RIF1: variants seen among roughly 807,000 people sequenced by gnomAD.
The protein encoded by RIF1 is replication timing regulatory factor 1.
A neutral mutation model predicts 247.1 loss-of-function variants in RIF1; 45 were observed. That is an observed-to-expected ratio of 0.18 (90% confidence interval 0.14 to 0.23). RIF1 has a LOEUF of 0.23. RIF1 is among the 10% of genes least tolerant of loss of function. The pLI, the probability that RIF1 is intolerant of heterozygous loss-of-function variation, is 1.00. For synonymous variants in RIF1, 1,087 were observed against 978.8 expected (o/e 1.11, Z -2.06); for missense variants, 2,967 against 2,862.5 (o/e 1.04, Z -0.83).
intron 21 of RIF1, among the ~76,000 whole-genome samples, chr2:151,452,787 G>A (rs1013344747): frequency 2.0e-5 from 3 of 152,216 alleles, no homozygotes; most frequent in African/African-American, 4.8e-5. Flanking sequence ...TTCATAGAGC[G>A]AAGATGATCA....
rs904410627 is a variant in RIF1, at chr2:151,480,082, T to G, written c.*5011T>G. 3.3e-5 allele frequency: 5 copies of G among 152,242 alleles called. No individual in the cohort carries two copies. The highest frequency in any genetic ancestry group is 4.8e-5 in the African/African-American group (2 of 41,478). The allele number at this position is 152,242 out of a possible 1,614,324, so 9.4% of individuals were successfully genotyped here. A position where few individuals can be genotyped will look rare whatever the true frequency, so the allele number is the denominator to read the frequency against. On this transcript the variant is annotated 3_prime_UTR_variant, in exon 36 of 36. Transcript: ENST00000444746. ...TTCCGATGTGGTCCTAATCATTTTT[T>G]TCTTTACATACTAAGCCTTCCTTTC...
At chr2:151,440,603 A>C (rs1692113450) in intron 15 of RIF1, among the ~76,000 whole-genome samples, 1 of 152,222 alleles carries the variant, frequency 6.6e-6, no homozygotes, top group Non-Finnish European at 1.5e-5. Flanking sequence ...ATCTCAAAAT[A>C]AGCTCCAGTG....
Position 151,477,097 on chromosome 2 carries a change from A to C in RIF1, c.*2026A>C, listed in dbSNP as rs1474828694. ...GTTTAATAAAGCTGCATTTAAAAATATTTGGGAGCAAAGACAAGCATGCTA... is the reference window on the plus strand; with the variant it reads ...GTTTAATAAAGCTGCATTTAAAAATCTTTGGGAGCAAAGACAAGCATGCTA... On this transcript the variant is annotated 3_prime_UTR_variant, in exon 36 of 36. Transcript: ENST00000444746. 2.0e-5 allele frequency: 3 copies of C among 152,224 alleles called. No homozygotes were observed. 9.4% of individuals were successfully genotyped at this position (152,224 alleles called of 1,614,324 possible).
Position 151,465,912 on chromosome 2 carries a change from C to T in RIF1, c.6392C>T (p.Thr2131Ile), listed in dbSNP as rs1696804691. 6.2e-7 allele frequency: 1 copy of T among 1,613,984 alleles called. No individual in the cohort carries two copies. Residue 2131 changes from threonine (T) to isoleucine (I), a missense_variant, in exon 30 of 36, where the codon ACA (threonine) becomes ATA (isoleucine). By Grantham distance (89) the Thr-to-Ile change is moderately conservative. Coordinates refer to ENST00000444746, the MANE Select transcript of RIF1 (RefSeq NM_018151.5). ...CCATCACAGTGTCTGGCATCTGGAA[C>T]AGCTATCTCTGAGCTAATAATAGAA... ...EEPSQCLASG[T>I]AISELIIEDN...
rs114739211 is a variant in RIF1, at chr2:151,427,174, C to A, written c.787-1610C>A. On this transcript the variant is annotated intron_variant, in intron 8 of 35. Transcript: ENST00000444746. ...TTGATGTAATTTTTTATTTGTGATG[C>A]ATTACTTGTCATTTTTCCATTTTGT... Among the ~76,000 whole-genome samples the A allele has an allele frequency of 4.3e-3, 651 of 151,322 alleles. 5 individuals are homozygous for A. The highest frequency in any genetic ancestry group is 0.015 in the African/African-American group (604 of 41,300).
At chr2:151,524,346 C>T in the RIF1 span, 7 of 1,613,924 alleles carry the variant, frequency 4.3e-6, no homozygotes, top group Non-Finnish European at 5.9e-6. Context: ...TTGGCCATTT[C>T]TATGTCTGGG....
exon 13 of RIF1, chr2:151,506,277 G>A: frequency 6.3e-7 from 1 of 1,576,492 alleles, no homozygotes; most frequent in Non-Finnish European, 8.7e-7. Flanking sequence ...TCAGAATCAG[G>A]ACAGTGTTAA....
At chr2:151,518,203 C>T in the RIF1 span, 1 of 775,076 alleles carries the variant, frequency 1.3e-6, no homozygotes, top group African/African-American at 1.7e-5. Context: ...AGATTCAAAA[C>T]CCCTTATATC....
rs2065574455 is a variant in RIF1 at position 151,502,598 on chromosome 2, T to C, written c.*710-436T>C. ...ACAGGTTTTTAAAGAAAGTGATAAA[T>C]ATCTATGTTTTAGAGAAAACACAGT... is the stretch of plus-strand genomic sequence containing the variant. On this transcript the variant is annotated intron_variant and NMD_transcript_variant, in intron 11 of 13. Transcript: ENST00000454583. 2.0e-5 allele frequency among the ~76,000 whole-genome samples: 3 copies of C among 152,090 alleles called. 1 individual carries two copies. The South Asian group carries it at 6.2e-4, about 31-fold the overall frequency.
At chr2:151,468,312 AAG>A (rs1210094341) in intron 31 of RIF1, among the ~76,000 whole-genome samples, 160 bp from the exon 32 acceptor site, 1 of 152,184 alleles carries the variant, frequency 6.6e-6, no homozygotes, top group Non-Finnish European at 1.5e-5. Context: ...GCAGAAAGGT[AAG>A]AGGCAGTAAT....
At chr2:151,485,069 TTGCCACATGC>T (rs1179237426), downstream of RIF1, among the ~76,000 whole-genome samples, 1 of 152,210 alleles carries the variant, frequency 6.6e-6, no homozygotes, top group African/African-American at 2.4e-5. Flanking sequence ...CCCTTTGCCT[TTGCCACATGC>T]TGCCATCCTA....
chr2:151,416,732 TA>T, intron 5 of RIF1, 44 bp downstream of exon 5: 1 of 1,602,382 alleles, frequency 6.2e-7, no homozygotes, highest in Non-Finnish European at 8.5e-7. Flanking sequence ...ATATGCCAAT[TA>T]AAAGAAAAAA....
intron 12 of RIF1, chr2:151,505,473 A>T: frequency 6.2e-7 from 1 of 1,611,420 alleles, no homozygotes; most frequent in South Asian, 1.1e-5. Context: ...GAGTATGGCC[A>T]CTACCGAGCT....
In RIF1 at chr2:151,420,209, A is replaced by G. The variant is rs779508741; in HGVS notation, c.523A>G (p.Ile175Val). 5.7e-5 allele frequency: 92 copies of G among 1,613,656 alleles called. 1 individual carries two copies. Among genetic ancestry groups the G allele is most frequent in the Non-Finnish European group, 7.3e-5 (86 of 1,179,728 alleles). ...TTATAGGCTAATTGAACAAGCCCCAATTCAAATGGGAGAAGAGGCAGTGAG... is the reference window on the plus strand; with the variant it reads ...TTATAGGCTAATTGAACAAGCCCCAGTTCAAATGGGAGAAGAGGCAGTGAG... ...VIVRLIEQAP[I>V]QMGEEAVRWA... The change falls in exon 7 of 36, where the codon ATT becomes GTT. Residue 175 changes from isoleucine (I) to valine (V), a missense_variant. Coordinates refer to ENST00000444746, the MANE Select transcript of RIF1 (RefSeq NM_018151.5).
the RIF1 span, chr2:151,514,468 C>A: frequency 7.0e-7 from 1 of 1,432,238 alleles, no homozygotes; most frequent in Non-Finnish European, 9.8e-7. Flanking sequence ...GACAAGAAAG[C>A]CCAGATTGAT....
At chr2:151,433,289 T>TA in intron 10 of RIF1, 61 bp downstream of exon 10, 1 of 1,348,724 alleles carries the variant, frequency 7.4e-7, no homozygotes, top group South Asian at 1.3e-5. Flanking sequence ...CTTAAATTCT[T>TA]ACCAATGTAA....
At chr2:151,438,600 T>G (rs1691682626) in intron 13 of RIF1, 84 bp from the exon 14 acceptor site, 1 of 839,680 alleles carries the variant, frequency 1.2e-6, no homozygotes, top group Non-Finnish European at 2.1e-6. Flanking sequence ...TTGTTTAATG[T>G]AAGGAAGTAA....
chr2:151,512,706 G>T, downstream of RIF1: 1 of 1,479,582 alleles, frequency 6.8e-7, no homozygotes, highest in Non-Finnish European at 9.4e-7. Flanking sequence ...TGGGGTTTAT[G>T]AGTGATGGCA....
At chr2:151,492,844 C>G (rs2057650807) in intron 9 of RIF1, 1 of 189,810 alleles carries the variant, frequency 5.3e-6, no homozygotes, top group African/African-American at 2.3e-5. Context: ...TTTGAAAGAA[C>G]TGTCCTTTAA....
Sources: gnomAD v4.1 joint callset for allele counts (sites outside exome capture counted in the v4.1 genomes callset) on GRCh38, gnomAD v4.1.1 for gene constraint, MANE v1.5 for transcripts, NCBI Gene and HGNC (gene_info 2026-07-23, HGNC 2026-07-21) for gene names.